Variants in MBNL1 observed in about 807,000 individuals in gnomAD.
MBNL1 encodes the protein muscleblind-like protein 1.
In MBNL1, 8 loss-of-function variants were observed where a neutral mutation model predicts 42.2. The ratio of observed to expected loss-of-function variants is 0.19; its 90% CI spans 0.11 to 0.34. MBNL1 has a LOEUF of 0.34. MBNL1 is among the 10% of genes least tolerant of loss of function. The pLI, the probability that MBNL1 is intolerant of heterozygous loss-of-function variation, is 1.00. For missense variants in MBNL1, 309 were observed against 495.3 expected (o/e 0.62, Z 3.57); for synonymous variants, 169 against 173.9 (o/e 0.97, Z 0.22).
intron 3 of MBNL1, among the ~76,000 whole-genome samples, chr3:152,419,681 GTTTTTTT>G (rs1560520317): frequency 8.3e-6 from 1 of 119,834 alleles, no homozygotes; most frequent in Admixed American, 8.5e-5. Context: ...GGCTGCAGGA[GTTTTTTT>G]GTTTGTTTGT....
At chr3:152,300,420 T>C (rs1488325329) in intron 2 of MBNL1, 53 bp downstream of exon 2, 1 of 1,430,112 alleles carries the variant, frequency 7.0e-7, no homozygotes, top group Non-Finnish European at 9.8e-7. Context: ...ATGAGGGGTA[T>C]ATGGACATAC....
At chr3:152,245,847 T>A (rs1052875813) in intron 2 of MBNL1, among the ~76,000 whole-genome samples, 1 of 152,194 alleles carries the variant, frequency 6.6e-6, no homozygotes, top group Non-Finnish European at 1.5e-5. Context: ...CTTAACTCGA[T>A]GAAAATTTTA....
chr3:152,458,300 TTAA>T, intron 8 of MBNL1: 1 of 908,714 alleles, frequency 1.1e-6, no homozygotes, highest in Admixed American at 2.0e-5. Context: ...CAGGGACATA[TTAA>T]TATACACGCC....
intron 2 of MBNL1, among the ~76,000 whole-genome samples, chr3:152,388,020 G>A (rs924147823): frequency 2.0e-5 from 3 of 152,132 alleles, no homozygotes; most frequent in Non-Finnish European, 4.4e-5. Context: ...AAAATAATCC[G>A]TTCTCAGAAC....
At chr3:152,445,178 C>A in intron 4 of MBNL1, 104 bp from the exon 5 acceptor site, 2 of 942,970 alleles carry the variant, frequency 2.1e-6, no homozygotes, top group Non-Finnish European at 3.2e-6. Flanking sequence ...TTTCCCTTTT[C>A]ATCTATAGCC....
intron 2 of MBNL1, among the ~76,000 whole-genome samples, chr3:152,411,424 A>G (rs2098561738): frequency 6.6e-6 from 1 of 152,076 alleles, no homozygotes; most frequent in African/African-American, 2.4e-5. Flanking sequence ...GGAGGCTGAG[A>G]AAGGAGAATG....
At chr3:152,266,891 A>C (rs1292411278), upstream of MBNL1, 1 of 152,248 alleles carries the variant, frequency 6.6e-6, no homozygotes, top group Non-Finnish European at 1.5e-5. Flanking sequence ...TTTCTGCAAT[A>C]CAAGTCCAGA....
At chr3:152,290,994 G>A (rs576697621) in intron 1 of MBNL1, among the ~76,000 whole-genome samples, 2 of 152,248 alleles carry the variant, frequency 1.3e-5, no homozygotes, top group African/African-American at 4.8e-5. Context: ...AACTTTTGCT[G>A]TAGTCTGTGT....
chr3:152,259,197 G>A (rs954431765), intron 2 of MBNL1, among the ~76,000 whole-genome samples: 11 of 152,228 alleles, frequency 7.2e-5, no homozygotes, highest in African/African-American at 2.2e-4. Flanking sequence ...AAGCGTGGGA[G>A]TCTTAAAGCT....
intron 2 of MBNL1, among the ~76,000 whole-genome samples, chr3:152,303,547 A>G (rs1276150118): frequency 6.6e-6 from 1 of 152,154 alleles, no homozygotes; most frequent in Non-Finnish European, 1.5e-5. Context: ...AAGAGATAGG[A>G]AAAAAGAAAA....
chr3:152,403,983 G>C (rs1249530102), intron 2 of MBNL1, among the ~76,000 whole-genome samples: 4 of 152,174 alleles, frequency 2.6e-5, no homozygotes. Flanking sequence ...AGGAGACTGT[G>C]GTCAGCAGTG....
intron 1 of MBNL1, among the ~76,000 whole-genome samples, chr3:152,295,823 A>G (rs879869335): frequency 1.3e-5 from 2 of 152,216 alleles, no homozygotes; most frequent in Non-Finnish European, 2.9e-5. Context: ...GAGCTCACAC[A>G]TGTCTTGGCA....
intron 2 of MBNL1, among the ~76,000 whole-genome samples, chr3:152,353,320 A>G (rs534049168): frequency 5.3e-5 from 8 of 152,330 alleles, no homozygotes; most frequent in Admixed American, 1.3e-4. Context: ...TTGGTTTCCA[A>G]TAATCTCTTC....
chr3:152,325,163 CT>C (rs1465899956), intron 2 of MBNL1, among the ~76,000 whole-genome samples: 3 of 139,822 alleles, frequency 2.1e-5, no homozygotes, highest in Non-Finnish European at 4.5e-5. Flanking sequence ...TTTTTTCTTC[CT>C]ACATGAGTTT....
upstream of MBNL1, chr3:152,268,553 G>A: frequency 2.9e-6 from 1 of 350,256 alleles, no homozygotes; most frequent in Non-Finnish European, 5.7e-6. Flanking sequence ...AGAAGAAGCG[G>A]GAGGGCGTCC....
At position 152,297,424 on chromosome 3, in the gene MBNL1, A is replaced by G. The variant is rs1041863332; in HGVS notation, c.-789-1981A>G. Reference sequence around the variant, plus strand: ...AGTGGCGCAATCTCGGCTCACTGCAACATTCACCTCCCAGGTTCTAAGTGA... The same window carrying G: ...AGTGGCGCAATCTCGGCTCACTGCAGCATTCACCTCCCAGGTTCTAAGTGA... On this transcript the variant is annotated intron_variant, in intron 1 of 9. Transcript: ENST00000324210. Among the ~76,000 whole-genome samples the G allele has an allele frequency of 2.0e-5, 3 of 149,750 alleles. No homozygotes were observed. In the East Asian group the frequency reaches 5.9e-4, roughly 29 times the overall value.
intron 2 of MBNL1, among the ~76,000 whole-genome samples, chr3:152,253,169 A>G (rs893912792): frequency 1.3e-5 from 2 of 152,130 alleles, no homozygotes; most frequent in Admixed American, 1.3e-4. Flanking sequence ...TCTCAAATTC[A>G]ACATGTCCCA....
At chr3:152,326,404 G>C (rs1228286478) in intron 2 of MBNL1, among the ~76,000 whole-genome samples, 1 of 152,088 alleles carries the variant, frequency 6.6e-6, no homozygotes, top group South Asian at 2.1e-4. Flanking sequence ...TTTTAATGAT[G>C]CTGCAATCTA....
chr3:152,246,910 G>GA, intron 2 of MBNL1, among the ~76,000 whole-genome samples: 1 of 152,038 alleles, frequency 6.6e-6, no homozygotes, highest in East Asian at 1.9e-4. Flanking sequence ...CTCATCTATA[G>GA]AAATAGAAAA....
Sources: allele counts gnomAD v4.1 joint callset (sites outside exome capture counted in the v4.1 genomes callset), GRCh38; gene constraint gnomAD v4.1.1; transcripts MANE v1.5; gene names NCBI Gene and HGNC (gene_info 2026-07-23, HGNC 2026-07-21).